PRKG1: variants seen among roughly 807,000 people sequenced by gnomAD.
The protein encoded by PRKG1 is protein kinase cGMP-dependent 1, also known as cGMP-dependent protein kinase 1.
PRKG1 carries 35 observed loss-of-function variants against 88.1 expected under a neutral mutation model. The ratio of observed to expected loss-of-function variants is 0.40; its 90% CI spans 0.30 to 0.53. The LOEUF is 0.53. PRKG1 is among the 20% of genes least tolerant of loss of function. The pLI is 0.59. For missense variants in PRKG1, 540 were observed against 839.8 expected (o/e 0.64, Z 4.41); for synonymous variants, 303 against 292.5 (o/e 1.04, Z -0.37).
At chr10:51,227,545 G>A (rs1003722282) in intron 2 of PRKG1, among the ~76,000 whole-genome samples, 6 of 152,134 alleles carry the variant, frequency 3.9e-5, no homozygotes, top group Non-Finnish European at 8.8e-5. Flanking sequence ...GGAATGTAAA[G>A]ACACATCATA....
chr10:51,984,372 C>T (rs7078910), intron 5 of PRKG1, among the ~76,000 whole-genome samples: 31,566 of 151,900 alleles, frequency 0.21, 3,947 homozygotes, highest in Non-Finnish European at 0.28. Context: ...TATTCATTTC[C>T]GATGATTTTG....
At chr10:51,907,199 C>T (rs1326134113) in intron 4 of PRKG1, among the ~76,000 whole-genome samples, 2 of 152,104 alleles carry the variant, frequency 1.3e-5, no homozygotes, top group Non-Finnish European at 2.9e-5. Flanking sequence ...ATTCGGTTTA[C>T]ATATCCATGG....
chr10:51,737,738 TTAATTATTA>T (rs1348931085), intron 3 of PRKG1, among the ~76,000 whole-genome samples: 2 of 132,714 alleles, frequency 1.5e-5, no homozygotes, highest in African/African-American at 2.8e-5. Context: ...TATTTATTTA[TTAATTATTA>T]TTATTATTAT....
intron 5 of PRKG1, chr10:51,909,460 A>AG (rs61268621): frequency 2.0e-5 from 3 of 152,128 alleles, no homozygotes; most frequent in Non-Finnish European, 4.4e-5. Context: ...CAAAAAAAAA[A>AG]GAGATAGTTA....
intron 1 of PRKG1, among the ~76,000 whole-genome samples, chr10:51,092,474 C>T (rs1301715328): frequency 6.6e-6 from 1 of 152,176 alleles, no homozygotes; most frequent in Non-Finnish European, 1.5e-5. Flanking sequence ...TGGGACATAA[C>T]TGATTTAGGT....
Position 51,655,980 on chromosome 10 carries a change from T to C in PRKG1, c.593-148605T>C, listed in dbSNP as rs565213642. ...TTGGAGTCTTGGAGACATGATTCAT[T>C]TTTAAAAGTCAGGTATGAATATATT... On this transcript the variant is annotated intron_variant, in intron 3 of 17. Transcript: ENST00000373980. Among the ~76,000 whole-genome samples, 19 of 152,272 alleles carry C rather than the reference T, an allele frequency of 1.2e-4. No individual in the cohort carries two copies. The East Asian group carries it at 3.3e-3, about 26-fold the overall frequency.
chr10:51,915,345 C>A (rs955887830), intron 5 of PRKG1, among the ~76,000 whole-genome samples: 4 of 152,214 alleles, frequency 2.6e-5, no homozygotes, highest in African/African-American at 9.7e-5. Flanking sequence ...TTCTTCCCTT[C>A]CTTCAGGTTG....
intron 1 of PRKG1, among the ~76,000 whole-genome samples, chr10:51,056,207 C>T (rs966478706): frequency 6.6e-6 from 1 of 152,184 alleles, no homozygotes; most frequent in Non-Finnish European, 1.5e-5. Flanking sequence ...CAATAATTTT[C>T]ACTTGTTCTC....
At chr10:51,268,380 G>A (rs1266099848) in intron 2 of PRKG1, among the ~76,000 whole-genome samples, 1 of 152,080 alleles carries the variant, frequency 6.6e-6, no homozygotes, top group Non-Finnish European at 1.5e-5. Flanking sequence ...TGGGAGACTG[G>A]GGCTTATTTC....
Position 52,229,972 on chromosome 10 carries a change from T to C in PRKG1, c.1077-21598T>C, listed in dbSNP as rs1840483781. The stretch of plus-strand genomic sequence containing the variant: ...CATCATTTTTAGTTTGGTCCTTTTA[T>C]TCGCTGGTACCTGATTGTATACAAT... On this transcript the variant is annotated intron_variant, in intron 9 of 17. Transcript: ENST00000373980. Among the ~76,000 whole-genome samples the C allele has an allele frequency of 2.0e-5, 3 of 152,190 alleles. No homozygotes were observed. The South Asian group carries it at 6.2e-4, about 32-fold the overall frequency.
chr10:51,560,679 A>G (rs967793518), intron 3 of PRKG1, among the ~76,000 whole-genome samples: 1 of 152,014 alleles, frequency 6.6e-6, no homozygotes, highest in African/African-American at 2.4e-5. Context: ...AATACATTAT[A>G]TTGAAAAGAA....
intron 2 of PRKG1, among the ~76,000 whole-genome samples, chr10:51,215,207 C>T (rs966700119): frequency 1.3e-5 from 2 of 152,122 alleles, no homozygotes; most frequent in African/African-American, 4.8e-5. Flanking sequence ...TGCTCGACAG[C>T]ACATTTGCTG....
intron 2 of PRKG1, among the ~76,000 whole-genome samples, chr10:51,244,436 A>T (rs1201794333): frequency 3.3e-5 from 5 of 151,496 alleles, no homozygotes; most frequent in Admixed American, 2.6e-4. Context: ...TGTAGAGTAG[A>T]TCATATTTAT....
At chr10:52,013,148 G>A (rs1290701288) in intron 5 of PRKG1, among the ~76,000 whole-genome samples, 1 of 151,786 alleles carries the variant, frequency 6.6e-6, no homozygotes, top group Non-Finnish European at 1.5e-5. Context: ...GCCGGGTGCG[G>A]TGGCTCACGC....
At chr10:51,248,111 GGC>G (rs1022207049) in intron 2 of PRKG1, among the ~76,000 whole-genome samples, 13 of 151,842 alleles carry the variant, frequency 8.6e-5, no homozygotes, top group African/African-American at 3.1e-4. Flanking sequence ...ATTTATCTGT[GGC>G]TGTTGAAAAA....
intron 2 of PRKG1, among the ~76,000 whole-genome samples, chr10:51,216,331 G>A (rs1057301425): frequency 6.6e-6 from 1 of 152,148 alleles, no homozygotes. Flanking sequence ...GCAATACTAT[G>A]GACACATGTT....
intron 2 of PRKG1, among the ~76,000 whole-genome samples, chr10:51,259,965 A>C (rs1839661644): frequency 6.6e-6 from 1 of 152,192 alleles, no homozygotes; most frequent in African/African-American, 2.4e-5. Context: ...CAAATTGTGA[A>C]ATCTAAAATA....
chr10:51,923,380 A>G (rs942342848), intron 5 of PRKG1, among the ~76,000 whole-genome samples: 1 of 151,514 alleles, frequency 6.6e-6, no homozygotes, highest in African/African-American at 2.4e-5. Flanking sequence ...ACACTGTTCA[A>G]ATTTAAAGTA....
At chr10:51,922,544 T>C (rs1446312079) in intron 5 of PRKG1, among the ~76,000 whole-genome samples, 1 of 151,960 alleles carries the variant, frequency 6.6e-6, no homozygotes, top group African/African-American at 2.4e-5. Flanking sequence ...TGCTGTAATA[T>C]TTTCTTTAAG....
Sources: gnomAD v4.1 joint callset for allele counts (sites outside exome capture counted in the v4.1 genomes callset) on GRCh38, gnomAD v4.1.1 for gene constraint, MANE v1.5 for transcripts, NCBI Gene and HGNC (gene_info 2026-07-23, HGNC 2026-07-21) for gene names.